The following NDUFAF2 variants were observed in gnomAD, a reference collection of about 807,000 sequenced individuals.
The protein encoded by NDUFAF2 is NADH dehydrogenase [ubiquinone] 1 alpha subcomplex assembly factor 2.
A neutral mutation model predicts 22.8 loss-of-function variants in NDUFAF2; 13 were observed. The ratio of observed to expected loss-of-function variants is 0.57; its 90% CI spans 0.37 to 0.91. The LOEUF is 0.91. Among genes scored for constraint, NDUFAF2 ranks in the 40% least tolerant of loss-of-function variants. NDUFAF2 has a pLI of 0.01. For missense variants in NDUFAF2, 162 were observed against 195.2 expected (o/e 0.83, Z 1.01); for synonymous variants, 53 against 64.2 (o/e 0.83, Z 0.84).
At chr5:60,988,209 G>A (rs1449038757) in intron 1 of NDUFAF2, among the ~76,000 whole-genome samples, 2 of 152,122 alleles carry the variant, frequency 1.3e-5, no homozygotes, top group Non-Finnish European at 2.9e-5. Flanking sequence ...ATACCTAGGA[G>A]TACAGCTAAC....
chr5:61,007,835 A>G (rs1237044320), intron 1 of NDUFAF2, among the ~76,000 whole-genome samples: 1 of 152,198 alleles, frequency 6.6e-6, no homozygotes, highest in Non-Finnish European at 1.5e-5. Flanking sequence ...TCATGCTGCT[A>G]TAAAGACACA....
At chr5:61,088,685 T>C (rs1304862873) in intron 2 of NDUFAF2, among the ~76,000 whole-genome samples, 3 of 152,096 alleles carry the variant, frequency 2.0e-5, no homozygotes, top group African/African-American at 7.2e-5. Flanking sequence ...CTTAATAATA[T>C]CCCTAAGATA....
chr5:60,991,553 G>A (rs1751158530), intron 1 of NDUFAF2, among the ~76,000 whole-genome samples: 1 of 152,136 alleles, frequency 6.6e-6, no homozygotes, highest in Non-Finnish European at 1.5e-5. Flanking sequence ...GAGAATATGT[G>A]ATATTTGTTT....
At chr5:61,072,565 G>A (rs1000001422) in intron 1 of NDUFAF2, among the ~76,000 whole-genome samples, 7 of 151,966 alleles carry the variant, frequency 4.6e-5, no homozygotes, top group Non-Finnish European at 1.0e-4. Context: ...CTCTTTTTCT[G>A]TACATTAAAT....
At chr5:61,143,814 G>C (rs1019950778) in intron 3 of NDUFAF2, among the ~76,000 whole-genome samples, 3 of 151,958 alleles carry the variant, frequency 2.0e-5, no homozygotes, top group Admixed American at 1.3e-4. Context: ...TTTTGTCTTG[G>C]CATGTGTTTT....
intron 1 of NDUFAF2, among the ~76,000 whole-genome samples, chr5:60,949,722 A>T (rs1258120485): frequency 4.6e-5 from 7 of 152,234 alleles, no homozygotes; most frequent in Non-Finnish European, 7.3e-5. Flanking sequence ...AGTTTGACTT[A>T]ATTCACAGAG....
chr5:61,136,452 T>C (rs1340194373), intron 3 of NDUFAF2, among the ~76,000 whole-genome samples: 2 of 152,096 alleles, frequency 1.3e-5, no homozygotes, highest in East Asian at 3.9e-4. Flanking sequence ...TTCAAACTTC[T>C]CTCTCAAGGT....
intron 3 of NDUFAF2, among the ~76,000 whole-genome samples, chr5:61,148,876 A>T (rs1196347439): frequency 1.3e-5 from 2 of 152,216 alleles, no homozygotes; most frequent in African/African-American, 2.4e-5. Flanking sequence ...AATATGGAAA[A>T]ATCTGTAATC....
intron 1 of NDUFAF2, among the ~76,000 whole-genome samples, chr5:60,969,987 TCC>T: frequency 6.6e-6 from 1 of 152,174 alleles, no homozygotes; most frequent in African/African-American, 2.4e-5. Context: ...GAATGTCATT[TCC>T]CCACTGTGTG....
intron 1 of NDUFAF2, among the ~76,000 whole-genome samples, chr5:61,055,626 T>G (rs1476693040): frequency 4.6e-5 from 7 of 152,136 alleles, no homozygotes; most frequent in African/African-American, 1.7e-4. Context: ...TGTCACAGAA[T>G]AGTTAGGTTG....
intron 1 of NDUFAF2, among the ~76,000 whole-genome samples, chr5:61,057,360 G>GT (rs1238603731): frequency 2.0e-5 from 3 of 152,164 alleles, no homozygotes; most frequent in Admixed American, 2.0e-4. Context: ...CTTACAACCA[G>GT]TTACTCAGTA....
chr5:61,006,557 A>T (rs1751369216), intron 1 of NDUFAF2, among the ~76,000 whole-genome samples: 1 of 152,090 alleles, frequency 6.6e-6, no homozygotes, highest in Non-Finnish European at 1.5e-5. Context: ...CACGATATTG[A>T]TTCTTCCTAC....
rs577232646 is a variant in NDUFAF2, at chr5:61,049,600, ATTC to A, written c.128-23517_128-23515del. On this transcript the variant is annotated intron_variant, in intron 1 of 3. Transcript: ENST00000296597. The stretch of plus-strand genomic sequence containing the variant: ...TGTATCTGTTAAACAACAAGTCTTC[ATTC>A]TTCTTCTCCCCCACCATTCTGCTTT... Among the ~76,000 whole-genome samples the A allele has an allele frequency of 5.3e-5, 8 of 152,204 alleles. No individual in the cohort carries two copies. The South Asian group carries it at 1.5e-3, about 28-fold the overall frequency.
intron 3 of NDUFAF2, among the ~76,000 whole-genome samples, chr5:61,136,009 ATATATATATATATAT>A: frequency 5.9e-5 from 1 of 16,994 alleles, no homozygotes; most frequent in Non-Finnish European, 1.2e-4. Context: ...CTGTCTTTAT[ATATATATATATATAT>A]ATATATATAT....
At chr5:60,983,417 T>G (rs1751016648) in intron 1 of NDUFAF2, among the ~76,000 whole-genome samples, 1 of 113,608 alleles carries the variant, frequency 8.8e-6, no homozygotes, top group Non-Finnish European at 1.9e-5. Context: ...AGATCCCATT[T>G]GTCAATTTTG....
rs1302736497 is a variant in NDUFAF2 at position 61,153,024 on chromosome 5, T to C, written c.*69T>C. ...TTTAACAAATAAAAGAAGTGAAAAG[T>C]TATTTACCTTGTATTTTCTGAATGT... is the stretch of plus-strand genomic sequence containing the variant. On this transcript the variant is annotated 3_prime_UTR_variant, in exon 4 of 4. Coordinates refer to ENST00000296597, the MANE Select transcript of NDUFAF2 (RefSeq NM_174889.5). 26 of 1,528,112 alleles carry C rather than the reference T, an allele frequency of 1.7e-5. No homozygotes were observed. In the Admixed American group the frequency reaches 2.1e-4, roughly 12 times the overall value. The allele number at this position is 1,528,112 out of a possible 1,614,324, so 94.7% of individuals were successfully genotyped here. A position where few individuals can be genotyped will look rare whatever the true frequency, so the allele number is the denominator to read the frequency against.
chr5:61,075,671 G>A (rs1752359878), intron 2 of NDUFAF2, among the ~76,000 whole-genome samples: 1 of 151,922 alleles, frequency 6.6e-6, no homozygotes, highest in Non-Finnish European at 1.5e-5. Context: ...CTAGTAATTT[G>A]GCATAACTCT....
chr5:61,050,267 G>A (rs1334591081), intron 1 of NDUFAF2: 1 of 152,014 alleles, frequency 6.6e-6, no homozygotes, highest in Non-Finnish European at 1.5e-5. Flanking sequence ...TTTGTAGAAA[G>A]GATAGTAGCC....
chr5:61,126,795 A>G (rs1753040978), intron 3 of NDUFAF2, among the ~76,000 whole-genome samples: 1 of 152,106 alleles, frequency 6.6e-6, no homozygotes, highest in Admixed American at 6.6e-5. Flanking sequence ...GAAAAGCACT[A>G]CTGAAGCAGA....
Sources: gnomAD v4.1 joint callset for allele counts (sites outside exome capture counted in the v4.1 genomes callset) on GRCh38, gnomAD v4.1.1 for gene constraint, MANE v1.5 for transcripts, NCBI Gene and HGNC (gene_info 2026-07-23, HGNC 2026-07-21) for gene names.